GLIPR1: variants seen among roughly 807,000 people sequenced by gnomAD.
GLIPR1 encodes the protein glioma pathogenesis-related protein 1.
GLIPR1 carries 38 observed loss-of-function variants against 30.3 expected under a neutral mutation model. The observed-to-expected ratio is 1.26, with a 90% CI of 0.97 to 1.65. The LOEUF is 1.65. Among genes scored for constraint, GLIPR1 ranks in the 40% most tolerant of loss-of-function variants. The probability of loss-of-function intolerance (pLI) is 0.00; values close to 1 mark genes in which losing one functional copy is unlikely to be tolerated. For missense variants in GLIPR1, 285 were observed against 326.5 expected, an observed-to-expected ratio of 0.87 and a Z score of 0.98; for synonymous variants, 122 against 110.6, an observed-to-expected ratio of 1.10 and a Z score of -0.65.
At chr12:75,482,465 C>A (rs1394573239) in intron 2 of GLIPR1, among the ~76,000 whole-genome samples, 1 of 152,138 alleles carries the variant, frequency 6.6e-6, no homozygotes. Context: ...AGAAACAAGA[C>A]TCTCAGACAG....
intron 3 of GLIPR1, chr12:75,491,951 C>T (rs1336758260): frequency 6.6e-6 from 1 of 152,088 alleles, no homozygotes; most frequent in Non-Finnish European, 1.5e-5. Context: ...TGACTGAGTG[C>T]TGTAGGTGTG....
rs138249204 is a variant in GLIPR1, at chr12:75,495,725, A to G, written c.619+63A>G. 4.3e-4 allele frequency: 413 copies of G among 965,940 alleles called. 2 individuals are homozygous for G. The East Asian group carries it at 7.2e-3, about 17-fold the overall frequency. The allele number at this position is 965,940 out of a possible 1,614,324, so 59.8% of individuals were successfully genotyped here. On this transcript the variant is annotated intron_variant, in intron 4 of 5. Coordinates refer to ENST00000266659, the MANE Select transcript of GLIPR1 (RefSeq NM_006851.3). ...ATAGTAACATGTAACTTTCTACAGA[A>G]TTAACAATGAAACCATGTTTTATCT...
At chr12:75,489,156 T>C (rs777119667) in intron 2 of GLIPR1, among the ~76,000 whole-genome samples, 1 of 152,148 alleles carries the variant, frequency 6.6e-6, no homozygotes, top group Non-Finnish European at 1.5e-5. Context: ...CAAAATGATG[T>C]GGAATCTTTT....
At chr12:75,498,773 G>C (rs1390903388) in intron 5 of GLIPR1, 51 bp from the exon 6 acceptor site, 2 of 1,606,608 alleles carry the variant, frequency 1.2e-6, no homozygotes, top group South Asian at 2.2e-5. Context: ...AATTCTGTCA[G>C]TGCATTATGA....
At position 75,500,007 on chromosome 12, in the gene GLIPR1, AAAG is replaced by A; in HGVS notation, c.*1032_*1034del. 4 of 1,361,640 alleles carry A rather than the reference AAAG, an allele frequency of 2.9e-6. No homozygotes were observed. Among genetic ancestry groups the A allele is most frequent in the Non-Finnish European group, 4.0e-6 (4 of 992,382 alleles). The allele number at this position is 1,361,640 out of a possible 1,614,324, so 84.3% of individuals were successfully genotyped here. A position where few individuals can be genotyped will look rare whatever the true frequency, so the allele number is the denominator to read the frequency against. ...TACTTTAGATTTTACCAAGTAAAAC[AAAG>A]AATATATGTTTAACAAAGAATATAT... On this transcript the variant is annotated 3_prime_UTR_variant, in exon 6 of 6. Coordinates refer to ENST00000266659, the MANE Select transcript of GLIPR1 (RefSeq NM_006851.3).
chr12:75,502,236 G>T lies in GLIPR1; in HGVS notation c.*3258G>T. ...CCAGAGTAGTTCAGGGATATGGCAT[G>T]GAAGGTCACTGATTCAGAAAAGTGT... is the stretch of plus-strand genomic sequence containing the variant. On this transcript the variant is annotated 3_prime_UTR_variant, in exon 6 of 6. Transcript: ENST00000266659. 2.7e-6 allele frequency: 1 copy of T among 366,280 alleles called. No individual in the cohort carries two copies. Among genetic ancestry groups the T allele is most frequent in the Non-Finnish European group, 4.9e-6 (1 of 203,544 alleles). The allele number at this position is 366,280 out of a possible 1,614,324, so 22.7% of individuals were successfully genotyped here. A position where few individuals can be genotyped will look rare whatever the true frequency, so the allele number is the denominator to read the frequency against.
chr12:75,495,586 C>A lies in GLIPR1; in HGVS notation c.543C>A (p.Tyr181Ter), dbSNP rs1363582221. The A allele has an allele frequency of 8.1e-6, 13 of 1,599,568 alleles. No homozygotes were observed. The highest frequency in any genetic ancestry group is 1.1e-5 in the Non-Finnish European group (13 of 1,167,036). Residue 181 changes from tyrosine to a stop codon, truncating the protein, a stop_gained, in exon 4 of 6, where the codon TAC (tyrosine) becomes TAA (stop). Transcript: ENST00000266659. LOFTEE classifies it high-confidence loss of function. ...FICNYGPGGN[Y>*]PTWPYKRGAT... is the part of the protein sequence containing the mutation. ...TTCTTCTGCTTTACAGAGGGAATTA[C>A]CCAACTTGGCCATATAAGAGAGGAG...
intron 2 of GLIPR1, among the ~76,000 whole-genome samples, chr12:75,488,951 ACAG>A (rs765616224): frequency 6.6e-6 from 1 of 152,238 alleles, no homozygotes; most frequent in Non-Finnish European, 1.5e-5. Context: ...TGTATTTGGC[ACAG>A]TTCTTATGAC....
At position 75,490,557 on chromosome 12, in the gene GLIPR1, C is replaced by CCT. The variant is rs748886139; in HGVS notation, c.533+40_533+41insTC. The CCT allele has an allele frequency of 5.1e-5, 8 of 155,562 alleles. 3 individuals are homozygous for CCT. Among genetic ancestry groups the CCT allele is most frequent in the African/African-American group, 4.0e-4 (3 of 7,420 alleles). The allele number at this position is 155,562 out of a possible 1,614,324, so 9.6% of individuals were successfully genotyped here. ...TCAACCGGTTTATAGGAAACGCCCCCCCCCCCCCGCAAAAAAAAACAACAA... is the reference window on the plus strand; with the variant it reads ...TCAACCGGTTTATAGGAAACGCCCCCCTCCCCCCCCGCAAAAAAAAACAACAA... On this transcript the variant is annotated intron_variant, in intron 3 of 5. Transcript: ENST00000266659.
Position 75,481,911 on chromosome 12 carries a change from G to A in GLIPR1, c.252G>A (p.Lys84=). 3 of 1,614,136 alleles carry A rather than the reference G, an allele frequency of 1.9e-6. No individual in the cohort carries two copies. The highest frequency in any genetic ancestry group is 1.7e-6 in the Non-Finnish European group (2 of 1,180,008). Residue 84 remains lysine, a synonymous_variant, in exon 2 of 6, where the codon AAG becomes AAA. Transcript: ENST00000266659. ...NCQFSHNTRL[K]PPHKLHPNFT... is the part of the protein sequence containing the mutation. Reference sequence around the variant, plus strand: ...AGTTTTCACATAATACACGGCTGAAGCCACCCCACAAGCTGCACCCAAACT... The same window carrying A: ...AGTTTTCACATAATACACGGCTGAAACCACCCCACAAGCTGCACCCAAACT...
intron 1 of GLIPR1, chr12:75,481,350 TG>T: frequency 4.3e-6 from 1 of 233,468 alleles, no homozygotes. Flanking sequence ...TTTTGTGATT[TG>T]GTTTTCTTTT....
intron 2 of GLIPR1, among the ~76,000 whole-genome samples, chr12:75,482,393 C>T (rs2046275369): frequency 6.6e-6 from 1 of 152,118 alleles, no homozygotes; most frequent in Non-Finnish European, 1.5e-5. Context: ...TTTTCAGGTT[C>T]CAGCTGTAGC....
chr12:75,481,047 T>C lies in GLIPR1; in HGVS notation c.167T>C (p.Leu56Pro). 2 of 1,607,142 alleles carry C rather than the reference T, an allele frequency of 1.2e-6. No homozygotes were observed. The highest frequency in any genetic ancestry group is 1.7e-6 in the Non-Finnish European group (2 of 1,174,926). ...GTGAAACCAACAGCCAGTGATATGC[T>C]ATACATGGTAAGGAAAATATCATTA... Reference protein sequence around the residue: ...SEVKPTASDMLYMTWDPALAQ... With the variant: ...SEVKPTASDMPYMTWDPALAQ... Residue 56 changes from leucine (L) to proline (P), a missense_variant, in exon 1 of 6, where the codon CTA (leucine) becomes CCA (proline). By Grantham distance (98) the Leu-to-Pro change is moderately conservative (BLOSUM62 -3). Coordinates refer to ENST00000266659, the MANE Select transcript of GLIPR1 (RefSeq NM_006851.3).
At chr12:75,490,369 T>C (rs1594058120) in intron 2 of GLIPR1, 37 bp from the exon 3 acceptor site, 5 of 1,131,542 alleles carry the variant, frequency 4.4e-6, no homozygotes, top group Admixed American at 1.7e-5. Context: ...GTTTATCTTA[T>C]GGTTTTTCTC....
At chr12:75,481,237 A>T (rs1294369576) in intron 1 of GLIPR1, 183 bp downstream of exon 1, 2 of 440,726 alleles carry the variant, frequency 4.5e-6, no homozygotes. Context: ...AACTGTTGTT[A>T]TAAGCAAGTG....
Position 75,499,697 on chromosome 12 carries a change from C to CA in GLIPR1, c.*719_*720insA. ...ACTCTTCTATGAACAACCACCACCA[C>CA]CAAAAAAAAAAAAAGCCCTCAGAAA... On this transcript the variant is annotated 3_prime_UTR_variant, in exon 6 of 6. Coordinates refer to ENST00000266659, the MANE Select transcript of GLIPR1 (RefSeq NM_006851.3). 1.6e-6 allele frequency: 1 copy of CA among 608,792 alleles called. No homozygotes were observed. The highest frequency in any genetic ancestry group is 2.8e-5 in the South Asian group (1 of 35,212). 37.7% of individuals were successfully genotyped at this position (608,792 alleles called of 1,614,324 possible). A position where few individuals can be genotyped will look rare whatever the true frequency, so the allele number is the denominator to read the frequency against.
intron 4 of GLIPR1, chr12:75,498,256 T>C (rs1165263366): frequency 6.5e-6 from 1 of 152,970 alleles, no homozygotes; most frequent in Non-Finnish European, 1.5e-5. Flanking sequence ...AATGATGATT[T>C]AGTGATATAC....
At chr12:75,495,692 A>G (rs758708089) in intron 4 of GLIPR1, 30 bp downstream of exon 4, 4 of 1,191,768 alleles carry the variant, frequency 3.4e-6, no homozygotes, top group East Asian at 4.7e-5. Flanking sequence ...CACCAATAGA[A>G]TAACATAATA....
intron 4 of GLIPR1, chr12:75,497,887 A>T (rs2046360830): frequency 7.7e-6 from 1 of 129,298 alleles, no homozygotes; most frequent in Non-Finnish European, 1.8e-5. Context: ...AACATTTAAA[A>T]ATATATATAA....
Sources: allele counts gnomAD v4.1 joint callset (sites outside exome capture counted in the v4.1 genomes callset), GRCh38; gene constraint gnomAD v4.1.1; transcripts MANE v1.5; gene names NCBI Gene and HGNC (gene_info 2026-07-23, HGNC 2026-07-21).